Variants in CAMTA1 observed in about 807,000 individuals in gnomAD.
The protein encoded by CAMTA1 is calmodulin-binding transcription activator 1.
A neutral mutation model predicts 170.9 loss-of-function variants in CAMTA1; 27 were observed. The ratio of observed to expected loss-of-function variants is 0.16; its 90% confidence interval spans 0.12 to 0.22. The LOEUF (loss-of-function observed/expected upper bound fraction) is 0.22. Ranked by LOEUF, CAMTA1 falls within the 10% of genes least tolerant of loss-of-function variation. CAMTA1 has a pLI of 1.00. For missense variants in CAMTA1, 1,619 were observed against 2,217.2 expected (o/e 0.73, Z 5.42); for synonymous variants, 833 against 891.5 (o/e 0.93, Z 1.17).
intron 11 of CAMTA1, chr1:7,693,379 C>T (rs1437309664): frequency 6.6e-6 from 1 of 152,202 alleles, no homozygotes; most frequent in Non-Finnish European, 1.5e-5. Context: ...CCTCCCACAA[C>T]ACATGGAAAT....
chr1:7,235,441 A>G (rs1023237744), intron 4 of CAMTA1, among the ~76,000 whole-genome samples: 1 of 152,144 alleles, frequency 6.6e-6, no homozygotes, highest in Non-Finnish European at 1.5e-5. Context: ...CCTGGCCAAC[A>G]TGGCGAAACC....
At chr1:7,352,175 A>C (rs2084730356) in intron 5 of CAMTA1, among the ~76,000 whole-genome samples, 1 of 142,852 alleles carries the variant, frequency 7.0e-6, no homozygotes, top group African/African-American at 2.9e-5. Context: ...GAGAAGGAGG[A>C]AGTGGGCGGG....
chr1:6,828,286 C>CTTTTTTT lies in CAMTA1; in HGVS notation c.234+3094_234+3100dup, dbSNP rs746522147. ...TGAGTGAGATTGTGCTCATTCCATC[C>CTTTTTTT]TTTTTTTTTTTTTTTTTTTTTTTTG... On this transcript the variant is annotated intron_variant, in intron 3 of 22. Transcript: ENST00000303635. Among the ~76,000 whole-genome samples the CTTTTTTT allele has an allele frequency of 4.6e-4, 32 of 69,744 alleles. 2 individuals are homozygous for CTTTTTTT. Among genetic ancestry groups the CTTTTTTT allele is most frequent in the Admixed American group, 6.4e-4 (3 of 4,664 alleles). 45.8% of individuals were successfully genotyped at this position (69,744 alleles called of 152,430 possible).
intron 5 of CAMTA1, among the ~76,000 whole-genome samples, chr1:7,461,939 C>T: frequency 6.6e-6 from 1 of 152,270 alleles, no homozygotes; most frequent in East Asian, 1.9e-4. Flanking sequence ...CTGGGCCATG[C>T]TCCCCTTCCC....
At chr1:7,205,922 A>T (rs559120672) in intron 4 of CAMTA1, among the ~76,000 whole-genome samples, 1 of 152,218 alleles carries the variant, frequency 6.6e-6, no homozygotes, top group East Asian at 1.9e-4. Flanking sequence ...TTAATTTTTT[A>T]AAATTGTTAT....
intron 5 of CAMTA1, among the ~76,000 whole-genome samples, chr1:7,398,183 CTCTCTCTCTCTATATATATATATATA>C (rs1393797477): frequency 4.1e-3 from 187 of 45,206 alleles, no homozygotes; most frequent in African/African-American, 0.016. Context: ...CTCTCTCTCT[CTCTCTCTCTCTATATATATATATATA>C]TATATATATA....
At chr1:6,788,181 C>CCCTT (rs1639982131) in intron 1 of CAMTA1, among the ~76,000 whole-genome samples, 1 of 149,760 alleles carries the variant, frequency 6.7e-6, no homozygotes, top group Non-Finnish European at 1.5e-5. Flanking sequence ...CTCCCTCCCT[C>CCCTT]CCTTTCTCCC....
intron 5 of CAMTA1, among the ~76,000 whole-genome samples, chr1:7,439,968 G>A (rs1490487409): frequency 3.3e-5 from 5 of 152,260 alleles, no homozygotes; most frequent in Non-Finnish European, 7.3e-5. Flanking sequence ...AGAATTCCGT[G>A]AGGCTTTGTT....
intron 3 of CAMTA1, among the ~76,000 whole-genome samples, chr1:7,066,157 C>G (rs1038894792): frequency 1.3e-5 from 2 of 152,234 alleles, no homozygotes; most frequent in African/African-American, 4.8e-5. Context: ...GGGGTCTTTT[C>G]TCTCTGGCCC....
intron 6 of CAMTA1, among the ~76,000 whole-genome samples, chr1:7,512,347 A>C (rs2094212622): frequency 6.6e-6 from 1 of 152,090 alleles, no homozygotes; most frequent in Non-Finnish European, 1.5e-5. Flanking sequence ...TGTAAGGGGG[A>C]GATTGGGGTG....
chr1:7,155,389 G>T lies in CAMTA1; in HGVS notation c.302+64018G>T, dbSNP rs529372815. On this transcript the variant is annotated intron_variant, in intron 4 of 22. Coordinates refer to ENST00000303635, the MANE Select transcript of CAMTA1 (RefSeq NM_015215.4). ...CCCAGCCTCTGTGAGGGCACCGTTG[G>T]GGGGGGGATTGGGCAGGGAAAAGAG... is the stretch of plus-strand genomic sequence containing the variant. 2.0e-3 allele frequency among the ~76,000 whole-genome samples: 301 copies of T among 150,268 alleles called. 3 individuals carry two copies. Among genetic ancestry groups the T allele is most frequent in the South Asian group, 0.014 (68 of 4,694 alleles).
rs1268186444 is a variant in CAMTA1 at position 7,242,739 on chromosome 1, T to C, written c.303-6752T>C. Among the ~76,000 whole-genome samples, 4 of 151,644 alleles carry C rather than the reference T, an allele frequency of 2.6e-5. No individual in the cohort carries two copies. The South Asian group carries it at 6.2e-4, about 24-fold the overall frequency. On this transcript the variant is annotated intron_variant, in intron 4 of 22. Transcript: ENST00000303635. The stretch of plus-strand genomic sequence containing the variant: ...GTCAGGAGATCGAGACCATCCTGGC[T>C]AACACAGTGAAACCCCGTCTCTACT...
chr1:7,489,169 C>A (rs773432887), intron 6 of CAMTA1, among the ~76,000 whole-genome samples: 14 of 152,238 alleles, frequency 9.2e-5, no homozygotes, highest in Non-Finnish European at 1.9e-4. Flanking sequence ...CAGGTGGGCC[C>A]TGGCCTGGGA....
intron 6 of CAMTA1, among the ~76,000 whole-genome samples, chr1:7,492,740 C>CGT (rs1187081545): frequency 9.1e-5 from 7 of 77,184 alleles, no homozygotes; most frequent in African/African-American, 3.4e-4. Context: ...TACATACACA[C>CGT]ACGCGCGCAC....
intron 5 of CAMTA1, among the ~76,000 whole-genome samples, chr1:7,270,295 T>A (rs188950057): frequency 0.1 from 13,215 of 132,586 alleles, 946 homozygotes; most frequent in Admixed American, 0.23. Context: ...ATATATATTT[T>A]TTTTTTTTTT....
At chr1:7,034,891 T>G (rs986747840) in intron 3 of CAMTA1, among the ~76,000 whole-genome samples, 5 of 152,200 alleles carry the variant, frequency 3.3e-5, no homozygotes, top group Non-Finnish European at 7.3e-5. Flanking sequence ...TACCTGCATC[T>G]AAAGAACCAT....
chr1:6,916,548 A>G (rs1179218606), intron 3 of CAMTA1, among the ~76,000 whole-genome samples: 2 of 152,182 alleles, frequency 1.3e-5, no homozygotes, highest in Non-Finnish European at 2.9e-5. Flanking sequence ...ACTTTGCTGT[A>G]TGAATAAGGC....
chr1:7,588,269 C>A lies in CAMTA1; in HGVS notation c.511-52131C>A, dbSNP rs1445158187. Among the ~76,000 whole-genome samples the A allele has an allele frequency of 1.3e-5, 2 of 151,576 alleles. No individual in the cohort carries two copies. The highest frequency in any genetic ancestry group is 1.9e-4 in the East Asian group (1 of 5,174). ...CCGCCCCAGTTCTCACTGCCTCTGA[C>A]ACCCACGCTGGTGTGGCCCTGCTGG... On this transcript the variant is annotated intron_variant, in intron 6 of 22. Transcript: ENST00000303635. This position sits in a 1 kb window ranked among gnomAD's most constrained non-coding sequence, Gnocchi z 5.8.
intron 4 of CAMTA1, among the ~76,000 whole-genome samples, chr1:7,247,248 A>ACT (rs1440364371): frequency 6.6e-6 from 1 of 152,218 alleles, no homozygotes; most frequent in Non-Finnish European, 1.5e-5. Context: ...TGACAGGGCT[A>ACT]CTCTCAGAAT....
Sources: gnomAD v4.1 joint callset for allele counts (sites outside exome capture counted in the v4.1 genomes callset) on GRCh38, gnomAD v4.1.1 for gene constraint, Gnocchi (gnomAD v3.1) non-coding constraint, MANE v1.5 for transcripts, NCBI Gene and HGNC (gene_info 2026-07-23, HGNC 2026-07-21) for gene names.